MDM2: variants seen among roughly 807,000 people sequenced by gnomAD.
MDM2 encodes the protein E3 ubiquitin-protein ligase Mdm2.
In MDM2, 11 loss-of-function variants were observed where a neutral mutation model predicts 64.3. That is an observed-to-expected ratio of 0.17 (90% CI 0.11 to 0.28). The LOEUF (loss-of-function observed/expected upper bound fraction) is 0.28. Among genes scored for constraint, MDM2 ranks in the 10% least tolerant of loss-of-function variants. MDM2 has a pLI of 1.00. For missense variants in MDM2, 388 were observed against 577.1 expected (o/e 0.67, Z 3.36); for synonymous variants, 194 against 192.9 (o/e 1.01, Z -0.05).
intron 2 of MDM2, among the ~76,000 whole-genome samples, chr12:68,810,637 A>G (rs1457928484): frequency 6.6e-6 from 1 of 151,068 alleles, no homozygotes; most frequent in Admixed American, 6.6e-5. Context: ...AATTTTTTGT[A>G]TTTTTAGTAG....
chr12:68,813,075 T>C (rs1385543250), intron 2 of MDM2, among the ~76,000 whole-genome samples: 1 of 152,112 alleles, frequency 6.6e-6, no homozygotes, highest in African/African-American at 2.4e-5. Context: ...AAATGCTGAG[T>C]TGTAGTTGAG....
rs985829920 is a variant in MDM2, at chr12:68,845,307, T to C, written c.*5458T>C. On this transcript the variant is annotated 3_prime_UTR_variant, in exon 11 of 11. Coordinates refer to ENST00000258149, the MANE Select transcript of MDM2 (RefSeq NM_002392.6). The stretch of plus-strand genomic sequence containing the variant: ...TTCAATTATATGTAAGAGGGACTTT[T>C]TGACATTTACAAATAATACTTTGAG... 2 of 213,500 alleles carry C rather than the reference T, an allele frequency of 9.4e-6. No homozygotes were observed. 13.2% of individuals were successfully genotyped at this position (213,500 alleles called of 1,614,324 possible).
At chr12:68,817,102 C>A in intron 4 of MDM2, 157 bp downstream of exon 4, 4 of 743,924 alleles carry the variant, frequency 5.4e-6, no homozygotes, top group Non-Finnish European at 6.1e-6. Context: ...ATTTGAGAAC[C>A]TGAGCTCTGG....
rs138082362 is a variant in MDM2, at chr12:68,838,460, C to T, written c.919-814C>T. ...TAGACAGGTAAAGGAAAGGATATTA[C>T]GGTTAGTGACCAAGGATGATAGGTT... On this transcript the variant is annotated intron_variant, in intron 10 of 10. Coordinates refer to ENST00000258149, the MANE Select transcript of MDM2 (RefSeq NM_002392.6). Among the ~76,000 whole-genome samples, 75 of 152,302 alleles carry T rather than the reference C, an allele frequency of 4.9e-4. No individual in the cohort carries two copies. In the East Asian group the frequency reaches 9.8e-3, roughly 20 times the overall value.
intron 8 of MDM2, 54 bp from the exon 9 acceptor site, chr12:68,835,775 T>C: frequency 2.0e-6 from 3 of 1,532,864 alleles, no homozygotes; most frequent in Non-Finnish European, 2.7e-6. Context: ...AGGAAACAGA[T>C]ACAGAGGTCA....
rs994416631 is a variant in MDM2, at chr12:68,808,414, C to T, written c.-64C>T. On this transcript the variant is annotated 5_prime_UTR_variant, in exon 1 of 11. Coordinates refer to ENST00000258149, the MANE Select transcript of MDM2 (RefSeq NM_002392.6). ...CGAGGCCCAGGGCGTCGTGCTTCCG[C>T]GCGCCCCGTGAAGGAAACTGGGGAG... 1.2e-6 allele frequency: 2 copies of T among 1,611,098 alleles called. No homozygotes were observed. The highest frequency in any genetic ancestry group is 1.1e-5 in the South Asian group (1 of 90,970).
rs1315779701 is a variant in MDM2, at chr12:68,843,943, G to T, written c.*4094G>T. ...TTTTTTTCCTTTGGAGGTCCTCAAA[G>T]CATTATTGGAGTTCATAATACTGAA... On this transcript the variant is annotated 3_prime_UTR_variant, in exon 11 of 11. Transcript: ENST00000258149. The T allele has an allele frequency of 4.7e-6, 1 of 210,590 alleles. No individual in the cohort carries two copies. Among genetic ancestry groups the T allele is most frequent in the Non-Finnish European group, 9.6e-6 (1 of 104,100 alleles). The allele number at this position is 210,590 out of a possible 1,614,324, so 13.0% of individuals were successfully genotyped here.
chr12:68,815,105 C>G (rs1374686612), intron 3 of MDM2, among the ~76,000 whole-genome samples: 1 of 152,114 alleles, frequency 6.6e-6, no homozygotes, highest in Non-Finnish European at 1.5e-5. Context: ...CCAGTTAAAT[C>G]CAAAGACAGT....
intron 4 of MDM2, among the ~76,000 whole-genome samples, chr12:68,818,738 T>A (rs1457828882): frequency 6.6e-6 from 1 of 151,726 alleles, no homozygotes; most frequent in Non-Finnish European, 1.5e-5. Flanking sequence ...TTTCTTTACC[T>A]ATTGAATATT....
At chr12:68,816,217 C>T (rs538764544) in intron 3 of MDM2, among the ~76,000 whole-genome samples, 1 of 152,054 alleles carries the variant, frequency 6.6e-6, no homozygotes, top group African/African-American at 2.4e-5. Flanking sequence ...CTGCCTTTTC[C>T]CTTCCTAATA....
chr12:68,811,619 T>A (rs1592567865), intron 2 of MDM2, among the ~76,000 whole-genome samples: 2 of 150,444 alleles, frequency 1.3e-5, no homozygotes, highest in South Asian at 2.1e-4. Flanking sequence ...TTTTTTTTTT[T>A]TTTGAGACTG....
At chr12:68,829,785 G>T (rs1369640409) in intron 8 of MDM2, among the ~76,000 whole-genome samples, 1 of 145,750 alleles carries the variant, frequency 6.9e-6, no homozygotes, top group Non-Finnish European at 1.5e-5. Context: ...AAAAAAAAAT[G>T]CAGGTTTATT....
chr12:68,833,578 C>T (rs1883077697), intron 8 of MDM2, among the ~76,000 whole-genome samples: 1 of 151,202 alleles, frequency 6.6e-6, no homozygotes, highest in African/African-American at 2.4e-5. Flanking sequence ...TATCCTAGGA[C>T]AGGAGTTGGC....
At chr12:68,831,358 T>G (rs1882781918) in intron 8 of MDM2, among the ~76,000 whole-genome samples, 1 of 152,196 alleles carries the variant, frequency 6.6e-6, no homozygotes. Context: ...CTTATTTGCA[T>G]AGGGCTCAGA....
Position 68,844,386 on chromosome 12 carries a change from A to G in MDM2, c.*4537A>G, listed in dbSNP as rs1884081200. ...GCCTCCAATGAGAGCAACTTGAGAG[A>G]ATGATGTTGCAAGTTAGTAGGAGTA... On this transcript the variant is annotated 3_prime_UTR_variant, in exon 11 of 11. Coordinates refer to ENST00000258149, the MANE Select transcript of MDM2 (RefSeq NM_002392.6). The G allele has an allele frequency of 1.3e-5, 3 of 226,040 alleles. No individual in the cohort carries two copies. The highest frequency in any genetic ancestry group is 5.7e-5 in the Admixed American group (1 of 17,534). The allele number at this position is 226,040 out of a possible 1,614,324, so 14.0% of individuals were successfully genotyped here.
rs928197740 is a variant in MDM2 at position 68,842,816 on chromosome 12, T to C, written c.*2967T>C. 5.0e-6 allele frequency: 1 copy of C among 199,004 alleles called. No individual in the cohort carries two copies. The highest frequency in any genetic ancestry group is 2.3e-5 in the African/African-American group (1 of 43,196). The allele number at this position is 199,004 out of a possible 1,614,324, so 12.3% of individuals were successfully genotyped here. On this transcript the variant is annotated 3_prime_UTR_variant, in exon 11 of 11. Transcript: ENST00000258149. ...TATCTTTTATTTTGATTTTAATATT[T>C]CTTATTTTGGTTTATTAGTGTCTTA... is the stretch of plus-strand genomic sequence containing the variant.
chr12:68,833,313 ATATAAT>A (rs1380203541), intron 8 of MDM2, among the ~76,000 whole-genome samples: 1 of 58,420 alleles, frequency 1.7e-5, no homozygotes, highest in Non-Finnish European at 4.0e-5. Context: ...AAATATAAAA[ATATAAT>A]TATATAAATA....
At chr12:68,808,628 C>A in intron 1 of MDM2, 137 bp downstream of exon 1, 1 of 1,289,604 alleles carries the variant, frequency 7.8e-7, no homozygotes, top group Admixed American at 2.2e-5. Flanking sequence ...GGGCGCGGGG[C>A]ATGGGGCACG....
intron 8 of MDM2, among the ~76,000 whole-genome samples, chr12:68,834,818 G>A (rs576585841): frequency 1.3e-5 from 2 of 152,268 alleles, no homozygotes; most frequent in East Asian, 1.9e-4. Context: ...GCCATATCCC[G>A]ACTTCTAGAC....
Sources: gnomAD v4.1 joint callset for allele counts (sites outside exome capture counted in the v4.1 genomes callset) on GRCh38, gnomAD v4.1.1 for gene constraint, MANE v1.5 for transcripts, NCBI Gene and HGNC (gene_info 2026-07-23, HGNC 2026-07-21) for gene names.